Variants in HYDIN observed in about 807,000 individuals in gnomAD.
The protein encoded by HYDIN is HYDIN axonemal central pair apparatus protein, also known as axonemal central pair apparatus protein HYDIN.
HYDIN carries 132 observed loss-of-function variants against 403.9 expected under a neutral mutation model. That is an observed-to-expected ratio of 0.33 (90% confidence interval 0.28 to 0.38). The LOEUF (loss-of-function observed/expected upper bound fraction) is 0.38, where lower values mean the gene tolerates loss of function less well. HYDIN is among the 10% of genes least tolerant of loss of function. The pLI is 1.00. For missense variants in HYDIN, 2,827 were observed against 5,009.5 expected, an observed-to-expected ratio of 0.56 and a Z score of 13.15; for synonymous variants, 1,202 against 1,891.7, an observed-to-expected ratio of 0.64 and a Z score of 9.46.
intron 1 of HYDIN, among the ~76,000 whole-genome samples, chr16:71,195,331 G>A (rs1208666384): frequency 3.9e-5 from 6 of 152,028 alleles, no homozygotes; most frequent in Non-Finnish European, 1.5e-5. Context: ...GGAAGTAAAT[G>A]TGAATGCATA....
chr16:70,906,437 C>T (rs1218979032), intron 50 of HYDIN, among the ~76,000 whole-genome samples: 3 of 151,588 alleles, frequency 2.0e-5, no homozygotes, highest in South Asian at 2.1e-4. Flanking sequence ...AATGCCATCT[C>T]GCCTTTCTCC....
chr16:70,917,111 T>A (rs1285397040), intron 47 of HYDIN, among the ~76,000 whole-genome samples: 1 of 152,034 alleles, frequency 6.6e-6, no homozygotes, highest in African/African-American at 2.4e-5. Context: ...TTTGTAGAGA[T>A]GGGGTTTCAC....
chr16:70,806,604 G>A lies in HYDIN; in HGVS notation c.*976C>T, dbSNP rs142366365. Among the ~76,000 whole-genome samples the A allele has an allele frequency of 6.2e-4, 95 of 152,154 alleles. No homozygotes were observed. Among genetic ancestry groups the A allele is most frequent in the African/African-American group, 1.6e-3 (68 of 41,514 alleles). Reference sequence around the variant, plus strand: ...CCATTTTTAAGACCCACTTCTTTACGGCATTCATTCCCAAGAGGCCATCTT... The same window carrying A: ...CCATTTTTAAGACCCACTTCTTTACAGCATTCATTCCCAAGAGGCCATCTT... On this transcript the variant is annotated 3_prime_UTR_variant, in exon 86 of 86. Transcript: ENST00000393567.
chr16:71,142,217 C>CA (rs1489276352), intron 7 of HYDIN, among the ~76,000 whole-genome samples: 1 of 149,568 alleles, frequency 6.7e-6, no homozygotes, highest in Non-Finnish European at 1.5e-5. Context: ...TTTGATTATC[C>CA]AAAAAAAATA....
In HYDIN at chr16:71,230,457, A is replaced by T. The variant is rs978594520; in HGVS notation, c.-24+105T>A. ...GGGAGGGGTCTGGAAAGTCTGGAGA[A>T]CGCCTGGGACGCAGGGCGAGGACGA... On this transcript the variant is annotated intron_variant, in intron 1 of 85. Coordinates refer to ENST00000393567, the MANE Select transcript of HYDIN (RefSeq NM_001270974.2). 6.7e-6 allele frequency: 9 copies of T among 1,340,704 alleles called. No individual in the cohort carries two copies. In the African/African-American group the frequency reaches 1.3e-4, roughly 20 times the overall value. The allele number at this position is 1,340,704 out of a possible 1,614,324, so 83.1% of individuals were successfully genotyped here.
chr16:70,969,012 C>G (rs2078663534), intron 36 of HYDIN, among the ~76,000 whole-genome samples: 1 of 151,648 alleles, frequency 6.6e-6, no homozygotes, highest in Admixed American at 6.6e-5. Flanking sequence ...AATAAAAACT[C>G]AATATGTGGG....
Position 70,992,228 on chromosome 16 carries a change from A to G in HYDIN, c.3645-18T>C, listed in dbSNP as rs368178705. On this transcript the variant is annotated intron_variant, in intron 23 of 85. Transcript: ENST00000393567. ...TCACAAACCTACCAAAGCATGGGACAGGGAATAGGGGGAGACAGGAGACAT... is the reference window on the plus strand; with the variant it reads ...TCACAAACCTACCAAAGCATGGGACGGGGAATAGGGGGAGACAGGAGACAT... 29 of 1,537,642 alleles carry G rather than the reference A, an allele frequency of 1.9e-5. No homozygotes were observed. The African/African-American group carries it at 3.2e-4, about 17-fold the overall frequency.
chr16:70,914,172 C>T (rs1274359034), intron 47 of HYDIN, among the ~76,000 whole-genome samples: 2 of 151,806 alleles, frequency 1.3e-5, no homozygotes, highest in Non-Finnish European at 2.9e-5. Context: ...TATTTGTTGC[C>T]TGTGTACCTT....
intron 45 of HYDIN, among the ~76,000 whole-genome samples, chr16:70,928,317 G>A (rs376601309): frequency 2.0e-4 from 30 of 152,202 alleles, no homozygotes; most frequent in East Asian, 3.8e-4. Context: ...TTAGCCAGAC[G>A]TGGTGGTGCA....
chr16:71,126,073 T>A (rs2084444132), intron 9 of HYDIN, among the ~76,000 whole-genome samples: 1 of 152,034 alleles, frequency 6.6e-6, no homozygotes, highest in Non-Finnish European at 1.5e-5. Context: ...CTTGAACCAG[T>A]ATTTCTTAAG....
chr16:70,818,476 T>C lies in HYDIN; in HGVS notation c.14524A>G (p.Thr4842Ala), dbSNP rs1335543795. Residue 4842 changes from threonine (T) to alanine (A), a missense_variant, in exon 84 of 86, where the codon ACC becomes GCC. Physicochemically the swap from Thr to Ala is moderately conservative, Grantham distance 58 (BLOSUM62 0). Coordinates refer to ENST00000393567, the MANE Select transcript of HYDIN (RefSeq NM_001270974.2). ...GCTGACGCAACTTGCCGGACTGGGG[T>C]CACCATCTCGATGGTTTTGATGATG... ...SGIIKTIEMV[T>A]PVRQVASASI... The C allele has an allele frequency of 1.8e-5, 27 of 1,513,254 alleles. No individual in the cohort carries two copies. Among genetic ancestry groups the C allele is most frequent in the Non-Finnish European group, 2.3e-5 (25 of 1,102,080 alleles). 93.7% of individuals were successfully genotyped at this position (1,513,254 alleles called of 1,614,324 possible). A position where few individuals can be genotyped will look rare whatever the true frequency, so the allele number is the denominator to read the frequency against.
In HYDIN at chr16:70,883,928, C is replaced by T; in HGVS notation, c.9971G>A (p.Cys3324Tyr). 7.4e-6 allele frequency: 12 copies of T among 1,613,614 alleles called. No individual in the cohort carries two copies. The highest frequency in any genetic ancestry group is 9.3e-6 in the Non-Finnish European group (11 of 1,180,004). The change falls in exon 59 of 86, where the codon TGT (cysteine) becomes TAT (tyrosine). Residue 3324 changes from cysteine (C) to tyrosine (Y), a missense_variant. Coordinates refer to ENST00000393567, the MANE Select transcript of HYDIN (RefSeq NM_001270974.2). ...ATGTGAGTGGTCAGTACCTGGTAGA[C>T]AGGCTTCAGCTAGCAAAGTGTAAAG... ...GILYTLLAEA[C>Y]LPAFVTENNA...
chr16:70,880,524 G>A (rs2040728068), intron 60 of HYDIN, among the ~76,000 whole-genome samples: 1 of 152,088 alleles, frequency 6.6e-6, no homozygotes, highest in African/African-American at 2.4e-5. Context: ...CGGACTTCAG[G>A]TGATGGTGCC....
intron 71 of HYDIN, among the ~76,000 whole-genome samples, chr16:70,858,951 TA>T (rs61139354): frequency 2.7e-3 from 365 of 137,300 alleles, no homozygotes; most frequent in African/African-American, 5.3e-3. Flanking sequence ...TGGGAATTGT[TA>T]AAAAAAAAAA....
At chr16:71,181,292 G>C (rs1185305586) in intron 3 of HYDIN, among the ~76,000 whole-genome samples, 2 of 150,946 alleles carry the variant, frequency 1.3e-5, no homozygotes, top group Non-Finnish European at 1.5e-5. Context: ...AGATACATTC[G>C]AAGAACAAGA....
chr16:71,205,316 C>T (rs932862568), intron 1 of HYDIN, among the ~76,000 whole-genome samples: 4 of 152,170 alleles, frequency 2.6e-5, no homozygotes, highest in Non-Finnish European at 4.4e-5. Flanking sequence ...CTGGGCTCAG[C>T]GTGGAGCCAG....
rs772292636 is a variant in HYDIN, at chr16:71,064,806, C to T, written c.2110G>A (p.Glu704Lys). The T allele has an allele frequency of 4.3e-6, 7 of 1,611,958 alleles. No individual in the cohort carries two copies. The highest frequency in any genetic ancestry group is 2.7e-5 in the African/African-American group (2 of 74,876). The change falls in exon 16 of 86, where the codon GAG (glutamate) becomes AAG (lysine). Residue 704 changes from glutamate to lysine, a missense_variant. By Grantham distance (56) the Glu-to-Lys change is moderately conservative. Transcript: ENST00000393567. ...AGGAAGCAGTGCCCAAAGTCCACCT[C>T]TGTATTGACCAGGTGGAGGGCAGGT... Reference protein sequence around the residue: ...VVPALHLVNTEVDFGHCFLKY... With the variant: ...VVPALHLVNTKVDFGHCFLKY...
intron 65 of HYDIN, among the ~76,000 whole-genome samples, chr16:70,871,216 T>C (rs976709876): frequency 5.3e-5 from 8 of 151,740 alleles, no homozygotes; most frequent in African/African-American, 1.9e-4. Flanking sequence ...CTAATGAACT[T>C]TACATCACTC....
At chr16:70,949,816 AGGAGTTT>A (rs1237950783) in intron 41 of HYDIN, among the ~76,000 whole-genome samples, 1 of 152,302 alleles carries the variant, frequency 6.6e-6, no homozygotes, top group Non-Finnish European at 1.5e-5. Flanking sequence ...CCTTACTGAA[AGGAGTTT>A]GGAGTCAGAA....
Sources: gnomAD v4.1 joint callset for allele counts (sites outside exome capture counted in the v4.1 genomes callset) on GRCh38, gnomAD v4.1.1 for gene constraint, MANE v1.5 for transcripts, NCBI Gene and HGNC (gene_info 2026-07-23, HGNC 2026-07-21) for gene names.